The following ABI1 variants were observed in gnomAD, a reference collection of about 807,000 sequenced individuals.
The protein encoded by ABI1 is Abelson interactor 1.
In ABI1, 14 loss-of-function variants were observed where a neutral mutation model predicts 54.6. The observed-to-expected ratio is 0.26, with a 90% CI of 0.17 to 0.40. ABI1 has a LOEUF of 0.40. Ranked by LOEUF, ABI1 falls within the 10% of genes least tolerant of loss-of-function variation. The pLI, the probability that ABI1 is intolerant of heterozygous loss-of-function variation, is 1.00. For missense variants in ABI1, 443 were observed against 598.3 expected, an observed-to-expected ratio of 0.74 and a Z score of 2.71; for synonymous variants, 194 against 209.3, an observed-to-expected ratio of 0.93 and a Z score of 0.63.
At position 26,760,909 on chromosome 10, in the gene ABI1, A is replaced by G. The variant is rs202215990; in HGVS notation, c.821-1671T>C. Among the ~76,000 whole-genome samples, 1,318 of 150,826 alleles carry G rather than the reference A, an allele frequency of 8.7e-3. 30 individuals are homozygous for G. Among genetic ancestry groups the G allele is most frequent in the East Asian group, 0.059 (300 of 5,068 alleles). ...ATCTCAAAAAAAAAAAAAAAAAAAA[A>G]AAAAAAAGAGTAAGCCTTTAACTGT... On this transcript the variant is annotated intron_variant, in intron 7 of 10. Coordinates refer to ENST00000376140, the MANE Select transcript of ABI1 (RefSeq NM_001012750.3).
rs1375832167 is a variant in ABI1 at position 26,761,661 on chromosome 10, T to TATATATATACAC, written c.821-2424_821-2423insGTGTATATATAT. 1.9e-3 allele frequency among the ~76,000 whole-genome samples: 148 copies of TATATATATACAC among 78,834 alleles called. 1 individual carries two copies. Among genetic ancestry groups the TATATATATACAC allele is most frequent in the African/African-American group, 6.4e-3 (124 of 19,250 alleles). The allele number at this position is 78,834 out of a possible 152,430, so 51.7% of individuals were successfully genotyped here. A position where few individuals can be genotyped will look rare whatever the true frequency, so the allele number is the denominator to read the frequency against. On this transcript the variant is annotated intron_variant, in intron 7 of 10. Coordinates refer to ENST00000376140, the MANE Select transcript of ABI1 (RefSeq NM_001012750.3). ...ATATATATATATATATATATATATA[T>TATATATATACAC]ACACACACACATACACATATATAAC...
chr10:26,814,538 T>C (rs930078431), intron 2 of ABI1, among the ~76,000 whole-genome samples: 1 of 152,236 alleles, frequency 6.6e-6, no homozygotes, highest in Non-Finnish European at 1.5e-5. Flanking sequence ...CACTTTCTCC[T>C]AGTATTACTT....
At chr10:26,823,851 C>G (rs994640097) in intron 1 of ABI1, among the ~76,000 whole-genome samples, 3 of 151,838 alleles carry the variant, frequency 2.0e-5, no homozygotes, top group African/African-American at 7.3e-5. Flanking sequence ...ACTCAGAAGG[C>G]AAGAACTCCT....
intron 1 of ABI1, among the ~76,000 whole-genome samples, chr10:26,826,411 T>C (rs1025294219): frequency 1.3e-5 from 2 of 152,154 alleles, no homozygotes; most frequent in African/African-American, 2.4e-5. Context: ...CCAGGCTTGG[T>C]TGTTCTGGTT....
At chr10:26,851,114 G>A (rs947262774) in intron 1 of ABI1, among the ~76,000 whole-genome samples, 7 of 152,180 alleles carry the variant, frequency 4.6e-5, no homozygotes, top group Non-Finnish European at 7.3e-5. Flanking sequence ...TTGCAACATG[G>A]AGGTTATTAG....
At chr10:26,839,870 G>C (rs932205980) in intron 1 of ABI1, 3 of 668,292 alleles carry the variant, frequency 4.5e-6, no homozygotes, top group Non-Finnish European at 8.1e-6. Context: ...CGTGCCTGTA[G>C]TCCCAACAAC....
rs1838773101 is a variant in ABI1 at position 26,759,235 on chromosome 10, G to C, written c.824C>G (p.Ala275Gly). Residue 275 changes from alanine to glycine, a missense_variant, in exon 8 of 11, where the codon GCC becomes GGC. Ala to Gly is a moderately conservative substitution (Grantham distance 60, BLOSUM62 0). Coordinates refer to ENST00000376140, the MANE Select transcript of ABI1 (RefSeq NM_001012750.3). ...TPSPPTIGPA[A>G]PGSAPGSQYG... is the part of the protein sequence containing the mutation. The stretch of plus-strand genomic sequence containing the variant: ...CTGGGAACCAGGAGCTGAGCCCGGG[G>C]CTGCTGAAAAGCATTAGTCAAAGGC... 1.9e-6 allele frequency: 3 copies of C among 1,613,424 alleles called. No individual in the cohort carries two copies. Among genetic ancestry groups the C allele is most frequent in the Admixed American group, 1.7e-5 (1 of 59,874 alleles).
intron 2 of ABI1, among the ~76,000 whole-genome samples, chr10:26,814,599 A>G (rs182528385): frequency 6.6e-6 from 1 of 152,320 alleles, no homozygotes; most frequent in Admixed American, 6.5e-5. Context: ...CTACTGTGTC[A>G]TAAGAAATAT....
At chr10:26,800,603 C>T (rs150518539) in intron 2 of ABI1, among the ~76,000 whole-genome samples, 48 of 152,186 alleles carry the variant, frequency 3.2e-4, no homozygotes, top group African/African-American at 1.1e-3. Flanking sequence ...ATAGTGAGAA[C>T]TCATCTCTAT....
intron 1 of ABI1, among the ~76,000 whole-genome samples, chr10:26,844,445 C>T (rs983574870): frequency 1.3e-5 from 2 of 152,278 alleles, no homozygotes; most frequent in Admixed American, 6.5e-5. Context: ...GATAGAACAT[C>T]AAAATTAACA....
chr10:26,785,106 A>G (rs1477212323), intron 2 of ABI1, among the ~76,000 whole-genome samples: 1 of 152,228 alleles, frequency 6.6e-6, no homozygotes, highest in Non-Finnish European at 1.5e-5. Context: ...GAAATGTGTT[A>G]TAAGAAAAAC....
chr10:26,814,150 T>C (rs544061353), intron 2 of ABI1, among the ~76,000 whole-genome samples: 7 of 152,310 alleles, frequency 4.6e-5, no homozygotes, highest in South Asian at 4.1e-4. Context: ...ACTGTAGAAA[T>C]AGACTGGATG....
chr10:26,751,121 C>A (rs767293987), intron 10 of ABI1, among the ~76,000 whole-genome samples: 1 of 152,038 alleles, frequency 6.6e-6, no homozygotes, highest in Non-Finnish European at 1.5e-5. Context: ...TTTATCCAGA[C>A]AAAGCTCCAT....
rs11369827 is a variant in ABI1, at chr10:26,855,970, CAAA to C, written c.117+4774_117+4776del. Among the ~76,000 whole-genome samples the C allele has an allele frequency of 4.8e-3, 384 of 80,602 alleles. 5 individuals are homozygous for C. Among genetic ancestry groups the C allele is most frequent in the East Asian group, 0.033 (97 of 2,962 alleles). The allele number at this position is 80,602 out of a possible 152,430, so 52.9% of individuals were successfully genotyped here. ...TGGGTGACAGAGCAAGACTCCATCTCAAAAAAAAAAAAAAAAAAAAAGAACCCC... is the reference window on the plus strand; with the variant it reads ...TGGGTGACAGAGCAAGACTCCATCTCAAAAAAAAAAAAAAAAAAGAACCCC... On this transcript the variant is annotated intron_variant, in intron 1 of 10. Coordinates refer to ENST00000376140, the MANE Select transcript of ABI1 (RefSeq NM_001012750.3).
At chr10:26,752,611 AAAC>A (rs1181008007) in intron 9 of ABI1, among the ~76,000 whole-genome samples, 1 of 152,136 alleles carries the variant, frequency 6.6e-6, no homozygotes, top group East Asian at 1.9e-4. Flanking sequence ...TAATTAAAAA[AAAC>A]AAACAAAAAG....
intron 1 of ABI1, among the ~76,000 whole-genome samples, chr10:26,840,700 C>CA (rs1337806469): frequency 1.3e-5 from 2 of 151,982 alleles, no homozygotes; most frequent in African/African-American, 2.4e-5. Flanking sequence ...ACTGCTATTC[C>CA]AAAAAATCTG....
At chr10:26,786,544 C>T (rs10741119) in intron 2 of ABI1, among the ~76,000 whole-genome samples, 87,303 of 151,982 alleles carry the variant, frequency 0.57, 27,255 homozygotes, top group African/African-American at 0.83. Context: ...TTAAACTCCT[C>T]CCTTTTCTAA....
intron 6 of ABI1, among the ~76,000 whole-genome samples, chr10:26,766,168 C>T (rs1186436085): frequency 2.6e-5 from 4 of 152,094 alleles, no homozygotes; most frequent in Non-Finnish European, 5.9e-5. Flanking sequence ...ATAAGCATAA[C>T]GACAAAGAAA....
At position 26,826,732 on chromosome 10, in the gene ABI1, T is replaced by C. The variant is rs376902406; in HGVS notation, c.118-3427A>G. Among the ~76,000 whole-genome samples the C allele has an allele frequency of 4.9e-4, 74 of 152,340 alleles. No individual in the cohort carries two copies. The South Asian group carries it at 0.015, about 31-fold the overall frequency. On this transcript the variant is annotated intron_variant, in intron 1 of 10. Coordinates refer to ENST00000376140, the MANE Select transcript of ABI1 (RefSeq NM_001012750.3). ...GCTTCTACATCAGCACTTGCTGCTT[T>C]ACCTTGCACTTTCACGTTATAGAGA...
Sources: gnomAD v4.1 joint callset for allele counts (sites outside exome capture counted in the v4.1 genomes callset) on GRCh38, gnomAD v4.1.1 for gene constraint, MANE v1.5 for transcripts, NCBI Gene and HGNC (gene_info 2026-07-23, HGNC 2026-07-21) for gene names.